Variants in SVIL observed in about 807,000 individuals in gnomAD.
SVIL encodes the protein supervillin.
SVIL carries 101 observed loss-of-function variants against 240.4 expected under a neutral mutation model. That is an observed-to-expected ratio of 0.42 (90% confidence interval 0.36 to 0.50). SVIL has a LOEUF of 0.50. Ranked by LOEUF, SVIL falls within the 20% of genes least tolerant of loss-of-function variation. The probability of loss-of-function intolerance (pLI) is 0.01; values close to 1 mark genes in which losing one functional copy is unlikely to be tolerated. For synonymous variants in SVIL, 999 were observed against 1,100.0 expected (o/e 0.91, Z 1.82); for missense variants, 2,512 against 2,818.7 (o/e 0.89, Z 2.46).
intron 1 of SVIL, among the ~76,000 whole-genome samples, chr10:29,603,447 A>G (rs534647546): frequency 6.6e-6 from 1 of 152,244 alleles, no homozygotes; most frequent in Non-Finnish European, 1.5e-5. Flanking sequence ...AAGCTTTTAA[A>G]GCAAAAATGG....
At chr10:29,579,310 C>G (rs921803162) in intron 1 of SVIL, among the ~76,000 whole-genome samples, 1 of 151,952 alleles carries the variant, frequency 6.6e-6, no homozygotes, top group Admixed American at 6.6e-5. Context: ...TGGTGGCGGG[C>G]GCCTGTAGTC....
intron 18 of SVIL, among the ~76,000 whole-genome samples, chr10:29,498,914 G>A (rs949730279): frequency 1.3e-4 from 20 of 152,140 alleles, no homozygotes; most frequent in African/African-American, 4.3e-4. Context: ...CCATGAGTTC[G>A]AGGCTGCAGT....
At chr10:29,588,653 A>T (rs1054149609) in intron 1 of SVIL, among the ~76,000 whole-genome samples, 32 of 152,330 alleles carry the variant, frequency 2.1e-4, no homozygotes, top group Middle Eastern at 6.8e-3. Context: ...AACCTTGGGA[A>T]CCCCAAACTC....
intron 3 of SVIL, among the ~76,000 whole-genome samples, chr10:29,645,861 T>C (rs898886880): frequency 6.6e-6 from 1 of 152,150 alleles, no homozygotes; most frequent in Non-Finnish European, 1.5e-5. Context: ...ATCTCGTTAG[T>C]GGGATAGTGG....
chr10:29,524,312 G>A (rs1950750929), intron 14 of SVIL, among the ~76,000 whole-genome samples, 160 bp downstream of exon 14: 1 of 152,164 alleles, frequency 6.6e-6, no homozygotes, highest in Non-Finnish European at 1.5e-5. Flanking sequence ...ATACTTGGTA[G>A]AATTCTCATT....
chr10:29,599,936 G>A (rs1956750445), intron 1 of SVIL, among the ~76,000 whole-genome samples: 1 of 151,860 alleles, frequency 6.6e-6, no homozygotes, highest in Admixed American at 6.6e-5. Context: ...GTAGGAGTAG[G>A]GTAATCTGGT....
At chr10:29,507,734 C>T (rs1949487599) in intron 17 of SVIL, 2 of 984,626 alleles carry the variant, frequency 2.0e-6, no homozygotes, top group Non-Finnish European at 2.4e-6. Context: ...GGCTTTTCCT[C>T]ACCTGATTAA....
At chr10:29,696,321 G>T (rs1403220381) in intron 1 of SVIL, among the ~76,000 whole-genome samples, 1 of 152,094 alleles carries the variant, frequency 6.6e-6, no homozygotes, top group African/African-American at 2.4e-5. Flanking sequence ...CCTCCCAGCC[G>T]CCTGCCTTGG....
In SVIL at chr10:29,482,068, G is replaced by A. The variant is rs1564488434; in HGVS notation, c.4956-340C>T. 3.1e-5 allele frequency among the ~76,000 whole-genome samples: 4 copies of A among 127,976 alleles called. No homozygotes were observed. In the East Asian group the frequency reaches 8.8e-4, roughly 28 times the overall value. The allele number at this position is 127,976 out of a possible 152,430, so 84.0% of individuals were successfully genotyped here. ...TTTAGAGATAAGGTCTTGTTCTGTT[G>A]CCTAGGCTGAAGTGCAGTTGCACAA... On this transcript the variant is annotated intron_variant, in intron 27 of 37. Transcript: ENST00000355867.
At chr10:29,561,742 G>A (rs1045761953) in intron 3 of SVIL, among the ~76,000 whole-genome samples, 2 of 152,132 alleles carry the variant, frequency 1.3e-5, no homozygotes, top group Middle Eastern at 3.2e-3. Context: ...CGAGCACAGC[G>A]TGGACCACCT....
chr10:29,641,875 T>C lies in SVIL; in HGVS notation c.-201+16094A>G, dbSNP rs369804319. On this transcript the variant is annotated intron_variant, in intron 3 of 35. Coordinates refer to the SVIL transcript ENST00000375400. ...ATAAACCCAGGAGGGATGCGATTACTTGTGTTGGTGGAAAACAGAAAACAA... is the reference window on the plus strand; with the variant it reads ...ATAAACCCAGGAGGGATGCGATTACCTGTGTTGGTGGAAAACAGAAAACAA... Among the ~76,000 whole-genome samples the C allele has an allele frequency of 1.1e-4, 16 of 152,286 alleles. No individual in the cohort carries two copies. The East Asian group carries it at 1.5e-3, about 15-fold the overall frequency.
At chr10:29,698,782 G>A (rs988082903) in intron 1 of SVIL, among the ~76,000 whole-genome samples, 1 of 150,792 alleles carries the variant, frequency 6.6e-6, no homozygotes, top group Non-Finnish European at 1.5e-5. Context: ...AAGTCTAGGC[G>A]CTAGGTATAG....
chr10:29,571,608 C>G (rs1255578589), intron 1 of SVIL, among the ~76,000 whole-genome samples: 2 of 152,258 alleles, frequency 1.3e-5, no homozygotes, highest in East Asian at 3.9e-4. Context: ...GCAGATATTA[C>G]TAGAGATTCA....
intron 3 of SVIL, among the ~76,000 whole-genome samples, chr10:29,646,358 C>A (rs568972516): frequency 1.3e-5 from 2 of 152,264 alleles, no homozygotes; most frequent in East Asian, 3.9e-4. Context: ...TATAGGACTC[C>A]CTTGCAAAAT....
At chr10:29,718,283 G>A (rs1046326116) in intron 1 of SVIL, among the ~76,000 whole-genome samples, 2 of 151,092 alleles carry the variant, frequency 1.3e-5, no homozygotes, top group South Asian at 4.2e-4. Context: ...CCGAGATCGC[G>A]CCACTGCACT....
chr10:29,712,124 T>C (rs1406325220), intron 1 of SVIL: 1 of 152,220 alleles, frequency 6.6e-6, no homozygotes, highest in Non-Finnish European at 1.5e-5. Context: ...GAGGGAAGTA[T>C]AATCACAGCA....
At chr10:29,592,464 A>C (rs1283092993) in intron 1 of SVIL, among the ~76,000 whole-genome samples, 1 of 152,170 alleles carries the variant, frequency 6.6e-6, no homozygotes, top group Non-Finnish European at 1.5e-5. Flanking sequence ...TTGGTTTCTC[A>C]TTTCTGTTTC....
At chr10:29,671,921 G>T (rs1959809715) in intron 2 of SVIL, among the ~76,000 whole-genome samples, 1 of 152,004 alleles carries the variant, frequency 6.6e-6, no homozygotes, top group Non-Finnish European at 1.5e-5. Flanking sequence ...TAGAAAATTG[G>T]GTCAGTCTGA....
chr10:29,497,581 G>C (rs139459508), intron 18 of SVIL, among the ~76,000 whole-genome samples: 172 of 152,294 alleles, frequency 1.1e-3, no homozygotes, highest in African/African-American at 4.0e-3. Flanking sequence ...GATTGCAGCA[G>C]GGACATCCCA....
Sources: gnomAD v4.1 joint callset for allele counts (sites outside exome capture counted in the v4.1 genomes callset) on GRCh38, gnomAD v4.1.1 for gene constraint, MANE v1.5 for transcripts, NCBI Gene and HGNC (gene_info 2026-07-23, HGNC 2026-07-21) for gene names.